AP2B1: variants seen among roughly 807,000 people sequenced by gnomAD.
AP2B1 encodes the protein adaptor related protein complex 2 subunit beta 1, also known as AP-2 complex subunit beta.
In AP2B1, 23 loss-of-function variants were observed where a neutral mutation model predicts 102.0. The ratio of observed to expected loss-of-function variants is 0.23; its 90% CI spans 0.16 to 0.32. The LOEUF is 0.32. Ranked by LOEUF, AP2B1 falls within the 10% of genes least tolerant of loss-of-function variation. The probability of loss-of-function intolerance (pLI) is 1.00; values close to 1 mark genes in which losing one functional copy is unlikely to be tolerated. For synonymous variants in AP2B1, 381 were observed against 421.2 expected (o/e 0.90, Z 1.17); for missense variants, 541 against 1,157.4 (o/e 0.47, Z 7.73).
intron 9 of AP2B1, among the ~76,000 whole-genome samples, chr17:35,629,979 G>A (rs2074418288): frequency 1.3e-5 from 2 of 152,180 alleles, no homozygotes; most frequent in African/African-American, 4.8e-5. Flanking sequence ...CCCCATGTTT[G>A]TTCTTGCTAC....
chr17:35,678,932 G>A (rs1293466731), intron 17 of AP2B1, among the ~76,000 whole-genome samples: 1 of 151,276 alleles, frequency 6.6e-6, no homozygotes, highest in African/African-American at 2.4e-5. Flanking sequence ...TTTTACTGTT[G>A]TGTGGTCTTC....
At chr17:35,640,416 T>C (rs1277067525) in intron 11 of AP2B1, among the ~76,000 whole-genome samples, 1 of 151,134 alleles carries the variant, frequency 6.6e-6, no homozygotes, top group Non-Finnish European at 1.5e-5. Context: ...TTTTGTATTT[T>C]TAGTAGAGAC....
At chr17:35,643,521 T>C (rs939768104) in intron 12 of AP2B1, among the ~76,000 whole-genome samples, 16 of 152,160 alleles carry the variant, frequency 1.1e-4, no homozygotes, top group Admixed American at 8.5e-4. Flanking sequence ...TCAAACTCAG[T>C]CTCATTACCT....
intron 17 of AP2B1, among the ~76,000 whole-genome samples, chr17:35,680,670 C>T: frequency 6.6e-6 from 1 of 150,470 alleles, no homozygotes; most frequent in Non-Finnish European, 1.5e-5. Context: ...GCCACCATGC[C>T]CAGTCTATGG....
chr17:35,676,708 G>A (rs1400524757), intron 17 of AP2B1, among the ~76,000 whole-genome samples: 1 of 152,070 alleles, frequency 6.6e-6, no homozygotes, highest in Admixed American at 6.5e-5. Context: ...CATTCTTGTC[G>A]CTGTGTAGTA....
intron 18 of AP2B1, among the ~76,000 whole-genome samples, chr17:35,686,501 C>A (rs1021747054): frequency 1.1e-4 from 17 of 152,194 alleles, no homozygotes; most frequent in African/African-American, 4.1e-4. Flanking sequence ...ACGTGTTCAT[C>A]TCCAGGGTAA....
At chr17:35,617,298 C>T (rs562323403) in intron 5 of AP2B1, among the ~76,000 whole-genome samples, 416 of 152,240 alleles carry the variant, frequency 2.7e-3, no homozygotes, top group African/African-American at 9.2e-3. Context: ...TCAAGTGATC[C>T]GCCTGCCTCA....
chr17:35,669,996 C>A (rs144592434), intron 14 of AP2B1, among the ~76,000 whole-genome samples: 66 of 152,258 alleles, frequency 4.3e-4, no homozygotes, highest in African/African-American at 1.5e-3. Flanking sequence ...CTATTTTCAG[C>A]TTGAGTTCTT....
chr17:35,699,164 T>C (rs900014938), intron 18 of AP2B1, among the ~76,000 whole-genome samples: 3 of 152,256 alleles, frequency 2.0e-5, no homozygotes, highest in Non-Finnish European at 4.4e-5. Context: ...AGAGATTGGC[T>C]CTTAGGAGCT....
intron 5 of AP2B1, among the ~76,000 whole-genome samples, chr17:35,609,885 A>C (rs1316974902): frequency 2.0e-5 from 3 of 152,220 alleles, no homozygotes; most frequent in Non-Finnish European, 4.4e-5. Context: ...TTTATTTTAC[A>C]GGTAGCCTTG....
chr17:35,713,481 T>G lies in AP2B1; in HGVS notation c.2626+3161T>G, dbSNP rs2076491671. On this transcript the variant is annotated intron_variant, in intron 20 of 21. Coordinates refer to ENST00000610402, the MANE Select transcript of AP2B1 (RefSeq NM_001030006.2). ...TAGATTTCCTTCCAGTCTCGAGGGCTCTATTAACATGAACGTTTTTGGCTT... is the reference window on the plus strand; with the variant it reads ...TAGATTTCCTTCCAGTCTCGAGGGCGCTATTAACATGAACGTTTTTGGCTT... Among the ~76,000 whole-genome samples, 4 of 152,192 alleles carry G rather than the reference T, an allele frequency of 2.6e-5. No homozygotes were observed. The South Asian group carries it at 8.3e-4, about 31-fold the overall frequency.
At chr17:35,692,883 T>G (rs2142999248) in intron 18 of AP2B1, among the ~76,000 whole-genome samples, 1 of 152,320 alleles carries the variant, frequency 6.6e-6, no homozygotes, top group Middle Eastern at 3.4e-3. Context: ...TTGGCAGTGA[T>G]GGGAAAATCA....
At position 35,622,011 on chromosome 17, in the gene AP2B1, T is replaced by G. The variant is rs2142529232; in HGVS notation, c.526-2386T>G. Among the ~76,000 whole-genome samples, 3 of 152,330 alleles carry G rather than the reference T, an allele frequency of 2.0e-5. No individual in the cohort carries two copies. In the South Asian group the frequency reaches 6.2e-4, roughly 32 times the overall value. On this transcript the variant is annotated intron_variant, in intron 5 of 21. Coordinates refer to ENST00000610402, the MANE Select transcript of AP2B1 (RefSeq NM_001030006.2). ...GATATGATATTTTGATTCTTTAGACTATAATAAGGTCAACTAAGTATGTTG... is the reference window on the plus strand; with the variant it reads ...GATATGATATTTTGATTCTTTAGACGATAATAAGGTCAACTAAGTATGTTG...
chr17:35,661,232 A>G (rs1199762967), intron 14 of AP2B1, among the ~76,000 whole-genome samples: 4 of 152,158 alleles, frequency 2.6e-5, no homozygotes, highest in Non-Finnish European at 5.9e-5. Flanking sequence ...AGCCATTGAA[A>G]CTATAAAGAA....
chr17:35,676,073 C>T (rs1210038538), intron 17 of AP2B1, among the ~76,000 whole-genome samples: 1 of 152,122 alleles, frequency 6.6e-6, no homozygotes, highest in Non-Finnish European at 1.5e-5. Flanking sequence ...TAAAATTTAT[C>T]TGTAGAAGAA....
At chr17:35,693,670 G>C (rs1309251539) in intron 18 of AP2B1, among the ~76,000 whole-genome samples, 1 of 152,192 alleles carries the variant, frequency 6.6e-6, no homozygotes, top group Non-Finnish European at 1.5e-5. Flanking sequence ...GTGTGTGAAT[G>C]AAAGATGATC....
chr17:35,616,961 G>A (rs146753111), intron 5 of AP2B1, among the ~76,000 whole-genome samples: 26 of 152,260 alleles, frequency 1.7e-4, no homozygotes, highest in Middle Eastern at 3.4e-3. Flanking sequence ...TGCTTCTATC[G>A]TAGGATTGTT....
At chr17:35,716,668 A>G (rs1052231520) in intron 20 of AP2B1, among the ~76,000 whole-genome samples, 2 of 152,174 alleles carry the variant, frequency 1.3e-5, no homozygotes, top group African/African-American at 4.8e-5. Context: ...TGACTTCTGT[A>G]GCTCTGGGCC....
At chr17:35,627,253 T>TTC in intron 7 of AP2B1, 132 bp from the exon 8 acceptor site, 2 of 428,086 alleles carry the variant, frequency 4.7e-6, no homozygotes, top group Non-Finnish European at 7.1e-6. Context: ...TGCTTTTTTT[T>TTC]TTTTTTTTTT....
Sources: gnomAD v4.1 joint callset for allele counts (sites outside exome capture counted in the v4.1 genomes callset) on GRCh38, gnomAD v4.1.1 for gene constraint, MANE v1.5 for transcripts, NCBI Gene and HGNC (gene_info 2026-07-23, HGNC 2026-07-21) for gene names.